Variants in UNC5A observed in about 807,000 individuals in gnomAD.
UNC5A encodes netrin receptor UNC5A.
Under a neutral mutation model 87.4 loss-of-function variants are expected in UNC5A, and 20 were observed. That is an observed-to-expected ratio of 0.23 (90% CI 0.16 to 0.33). The LOEUF (loss-of-function observed/expected upper bound fraction) is 0.33, where lower values mean the gene tolerates loss of function less well. Among genes scored for constraint, UNC5A ranks in the 10% least tolerant of loss-of-function variants. UNC5A has a pLI of 1.00. For missense variants in UNC5A, 844 were observed against 1,133.4 expected (o/e 0.74, Z 3.67); for synonymous variants, 438 against 482.3 (o/e 0.91, Z 1.20).
At position 176,874,554 on chromosome 5, in the gene UNC5A, A is replaced by T; in HGVS notation, c.1366A>T (p.Ile456Phe). 6.4e-7 allele frequency: 1 copy of T among 1,567,768 alleles called. No individual in the cohort carries two copies. The highest frequency in any genetic ancestry group is 8.7e-7 in the Non-Finnish European group (1 of 1,153,410). The stretch of plus-strand genomic sequence containing the variant: ...CAACTTCCTCGGGGGCCGGCTGATG[A>T]TCCCTAATACAGGTAGGAAGGACCC... Reference protein sequence around the residue: ...TFNFLGGRLMIPNTGISLLIP... With the variant: ...TFNFLGGRLMFPNTGISLLIP... The change falls in exon 8 of 15, where the codon ATC (isoleucine) becomes TTC (phenylalanine). Residue 456 changes from isoleucine to phenylalanine, a missense_variant. Transcript: ENST00000329542. The surrounding 1 kb of genome is among the most constrained non-coding windows in gnomAD (Gnocchi z 7.6).
rs146409898 is a variant in UNC5A, at chr5:176,874,462, G to C, written c.1274G>C (p.Arg425Pro). The C allele has an allele frequency of 6.8e-6, 11 of 1,613,104 alleles. No individual in the cohort carries two copies. The highest frequency in any genetic ancestry group is 8.5e-6 in the Non-Finnish European group (10 of 1,179,718). The change falls in exon 8 of 15, where the codon CGC becomes CCC. Residue 425 changes from arginine (R) to proline (P), a missense_variant. Physicochemically the swap from Arg to Pro is moderately radical, Grantham distance 103. This residue lies in a region of UNC5A where 353 missense variants were observed against 387.5 expected (regional missense o/e 0.91). Coordinates refer to ENST00000329542, the MANE Select transcript of UNC5A (RefSeq NM_133369.3). The surrounding 1 kb of genome is among the most constrained non-coding windows in gnomAD (Gnocchi z 7.6). The stretch of plus-strand genomic sequence containing the variant: ...TCTGAGGCCGAGGAGTTCGTCTCCC[G>C]CCTCTCCACCCAGAACTACTTCCGC... ...PTSEAEEFVS[R>P]LSTQNYFRSL...
At chr5:176,833,476 C>G (rs1757072711) in intron 1 of UNC5A, among the ~76,000 whole-genome samples, 1 of 152,194 alleles carries the variant, frequency 6.6e-6, no homozygotes, top group African/African-American at 2.4e-5. Flanking sequence ...TGATTTCATT[C>G]TTTTTTATGG....
rs560178909 is a variant in UNC5A, at chr5:176,848,191, C to T, written c.71-14433C>T. ...CACGTTAGCACCACCGCCCCCCGCA[C>T]CCAGATCCCTCCGCCCCTCAGCCTG... On this transcript the variant is annotated intron_variant, in intron 1 of 14. Coordinates refer to ENST00000329542, the MANE Select transcript of UNC5A (RefSeq NM_133369.3). This position sits in a 1 kb window ranked among gnomAD's most constrained non-coding sequence, Gnocchi z 5.8. 2.6e-5 allele frequency among the ~76,000 whole-genome samples: 4 copies of T among 152,246 alleles called. No homozygotes were observed. The highest frequency in any genetic ancestry group is 1.3e-4 in the Admixed American group (2 of 15,296).
intron 1 of UNC5A, among the ~76,000 whole-genome samples, chr5:176,836,177 G>A (rs901458694): frequency 1.2e-4 from 18 of 152,218 alleles, no homozygotes; most frequent in African/African-American, 4.3e-4. Context: ...CGAAGTCTGG[G>A]GGAAGGCAGC....
chr5:176,828,772 G>T (rs1053864591), intron 1 of UNC5A, among the ~76,000 whole-genome samples: 9 of 152,138 alleles, frequency 5.9e-5, no homozygotes, highest in African/African-American at 1.9e-4. Flanking sequence ...CTCGTTCATG[G>T]ATGGATGGAT....
intron 1 of UNC5A, among the ~76,000 whole-genome samples, chr5:176,851,837 C>T (rs1180060513): frequency 6.6e-6 from 1 of 152,180 alleles, no homozygotes; most frequent in African/African-American, 2.4e-5. Flanking sequence ...CCTTATGGTG[C>T]GTGTGCCTGG....
In UNC5A at chr5:176,869,392, C is replaced by T. The variant is rs979192741; in HGVS notation, c.721+428C>T. On this transcript the variant is annotated intron_variant, in intron 5 of 14. Coordinates refer to ENST00000329542, the MANE Select transcript of UNC5A (RefSeq NM_133369.3). This position sits in a 1 kb window ranked among gnomAD's most constrained non-coding sequence, Gnocchi z 9.1. ...TGTGAGCCGCGGTTCAGCCTGGCTA[C>T]CCCGAGTGCCCCCTGGGAGAAGGGA... 2.0e-5 allele frequency among the ~76,000 whole-genome samples: 3 copies of T among 152,088 alleles called. No individual in the cohort carries two copies. Among genetic ancestry groups the T allele is most frequent in the Admixed American group, 2.0e-4 (3 of 15,282 alleles).
At chr5:176,837,598 G>A (rs1315403331) in intron 1 of UNC5A, among the ~76,000 whole-genome samples, 1 of 152,204 alleles carries the variant, frequency 6.6e-6, no homozygotes, top group Non-Finnish European at 1.5e-5. Context: ...TCTGATGCGT[G>A]CAGAAGGTCT....
chr5:176,873,817 G>A, intron 6 of UNC5A, 151 bp from the exon 7 acceptor site: 1 of 719,038 alleles, frequency 1.4e-6, no homozygotes, highest in Non-Finnish European at 2.3e-6. Context: ...CACACGCACG[G>A]ACTCCATGCT....
chr5:176,822,427 G>T (rs1413073901), intron 1 of UNC5A, among the ~76,000 whole-genome samples: 7 of 152,270 alleles, frequency 4.6e-5, no homozygotes, highest in Non-Finnish European at 7.3e-5. Flanking sequence ...GGGCCTGCAG[G>T]CCTGGAATCT....
chr5:176,868,254 G>A lies in UNC5A; in HGVS notation c.417G>A (p.Lys139=). The A allele has an allele frequency of 1.9e-6, 3 of 1,613,614 alleles. No homozygotes were observed. Among genetic ancestry groups the A allele is most frequent in the Non-Finnish European group, 2.5e-6 (3 of 1,179,962 alleles). Residue 139 remains lysine (K), a synonymous_variant, in exon 3 of 15, where the codon AAG becomes AAA. Transcript: ENST00000329542. ...CCTCGGGCACCACCAAGAGTCAGAAGGCCTACATCCGCATAGCCTGTGAGT... is the reference window on the plus strand; with the variant it reads ...CCTCGGGCACCACCAAGAGTCAGAAAGCCTACATCCGCATAGCCTGTGAGT... ...WSSSGTTKSQ[K]AYIRIAYLRK... is the part of the protein sequence containing the mutation.
intron 9 of UNC5A, 106 bp downstream of exon 9, chr5:176,877,385 G>A (rs921712326): frequency 3.1e-5 from 42 of 1,356,372 alleles, no homozygotes; most frequent in African/African-American, 1.2e-4. Flanking sequence ...CCGAGGCGGC[G>A]GGGGAAAGAG....
In UNC5A at chr5:176,853,099, C is replaced by G. The variant is rs934264168; in HGVS notation, c.71-9525C>G. Among the ~76,000 whole-genome samples, 7 of 152,150 alleles carry G rather than the reference C, an allele frequency of 4.6e-5. No homozygotes were observed. The South Asian group carries it at 1.5e-3, about 32-fold the overall frequency. ...TTAGAGCAGGCAGCTGTGGGAAGAT[C>G]GGAGGCAGCGTGTGCGGGCACGACA... On this transcript the variant is annotated intron_variant, in intron 1 of 14. Coordinates refer to ENST00000329542, the MANE Select transcript of UNC5A (RefSeq NM_133369.3).
At chr5:176,830,973 G>GGTGT (rs140085130) in intron 1 of UNC5A, among the ~76,000 whole-genome samples, 19 of 149,110 alleles carry the variant, frequency 1.3e-4, no homozygotes, top group African/African-American at 4.5e-4. Context: ...TGTGTGTGCT[G>GGTGT]GTGTGTGTGT....
At chr5:176,816,009 G>A (rs1241869880) in intron 1 of UNC5A, among the ~76,000 whole-genome samples, 3 of 152,268 alleles carry the variant, frequency 2.0e-5, no homozygotes, top group Non-Finnish European at 2.9e-5. Flanking sequence ...GCCCTGAGCA[G>A]AACGAAATTC....
intron 1 of UNC5A, among the ~76,000 whole-genome samples, chr5:176,834,258 C>T (rs898617366): frequency 1.3e-5 from 2 of 152,288 alleles, no homozygotes; most frequent in East Asian, 1.9e-4. Context: ...GCCCCCTGCC[C>T]GTCCCTGTCC....
At position 176,875,640 on chromosome 5, in the gene UNC5A, G is replaced by A. The variant is rs1457351599; in HGVS notation, c.1378+1074G>A. Reference sequence around the variant, plus strand: ...AGTTGATCATGACCCTCTCGTGCTCGAATCCCTTCTGGGCTCCCCTCTGCC... The same window carrying A: ...AGTTGATCATGACCCTCTCGTGCTCAAATCCCTTCTGGGCTCCCCTCTGCC... On this transcript the variant is annotated intron_variant, in intron 8 of 14. Transcript: ENST00000329542. This position sits in a 1 kb window ranked among gnomAD's most constrained non-coding sequence, Gnocchi z 5.2. Among the ~76,000 whole-genome samples the A allele has an allele frequency of 1.3e-5, 2 of 152,068 alleles. No homozygotes were observed. Among genetic ancestry groups the A allele is most frequent in the Admixed American group, 6.6e-5 (1 of 15,262 alleles).
rs1022315562 is a variant in UNC5A at position 176,844,192 on chromosome 5, CAG to C, written c.71-18431_71-18430del. On this transcript the variant is annotated intron_variant, in intron 1 of 14. Coordinates refer to ENST00000329542, the MANE Select transcript of UNC5A (RefSeq NM_133369.3). This position sits in a 1 kb window ranked among gnomAD's most constrained non-coding sequence, Gnocchi z 4.2. The stretch of plus-strand genomic sequence containing the variant: ...CAGGTCCATGCTGATTGTAGCGTCT[CAG>C]GGGACAGATCAGAGGCCCCAGGCCT... 2.6e-5 allele frequency among the ~76,000 whole-genome samples: 4 copies of C among 152,138 alleles called. No individual in the cohort carries two copies. Among genetic ancestry groups the C allele is most frequent in the African/African-American group, 9.7e-5 (4 of 41,430 alleles).
intron 1 of UNC5A, among the ~76,000 whole-genome samples, chr5:176,814,610 A>G (rs555772135): frequency 8.2e-4 from 125 of 152,184 alleles, no homozygotes; most frequent in African/African-American, 2.9e-3. Context: ...GTCCTGGCAT[A>G]CTGATGTGCT....
Sources: gnomAD v4.1 joint callset for allele counts (sites outside exome capture counted in the v4.1 genomes callset) on GRCh38, gnomAD v4.1.1 for gene constraint, gnomAD v4.1.1 regional missense constraint, Gnocchi (gnomAD v3.1) non-coding constraint, MANE v1.5 for transcripts, NCBI Gene and HGNC (gene_info 2026-07-23, HGNC 2026-07-21) for gene names.